PRRX2: variants seen among roughly 807,000 people sequenced by gnomAD.
PRRX2 encodes the protein paired mesoderm homeobox protein 2.
Under a neutral mutation model 18.0 loss-of-function variants are expected in PRRX2, and 11 were observed. The ratio of observed to expected loss-of-function variants is 0.61; its 90% CI spans 0.39 to 1.01. The LOEUF (loss-of-function observed/expected upper bound fraction) is 1.01, where lower values mean the gene tolerates loss of function less well. Ranked by LOEUF, PRRX2 falls within the 50% of genes least tolerant of loss-of-function variation. The pLI, the probability that PRRX2 is intolerant of heterozygous loss-of-function variation, is 0.01. For synonymous variants in PRRX2, 177 were observed against 154.8 expected (o/e 1.14, Z -1.06); for missense variants, 387 against 351.0 (o/e 1.10, Z -0.82).
At chr9:129,706,489 G>C (rs961219183) in intron 1 of PRRX2, among the ~76,000 whole-genome samples, 2 of 152,146 alleles carry the variant, frequency 1.3e-5, no homozygotes, top group African/African-American at 4.8e-5. Flanking sequence ...CTTGAACCTG[G>C]GAGGCGGAGG....
chr9:129,680,472 C>A (rs1375020366), intron 1 of PRRX2, among the ~76,000 whole-genome samples: 1 of 126,702 alleles, frequency 7.9e-6, no homozygotes, highest in Admixed American at 7.7e-5. Context: ...TCTCCCACCC[C>A]CCCCACCCGC....
At chr9:129,710,306 C>T (rs970783039) in intron 1 of PRRX2, among the ~76,000 whole-genome samples, 16 of 152,164 alleles carry the variant, frequency 1.1e-4, no homozygotes, top group African/African-American at 3.6e-4. Context: ...GCCTAGGTGG[C>T]CCCATCCAGC....
At chr9:129,676,464 G>A (rs1443286217) in intron 1 of PRRX2, among the ~76,000 whole-genome samples, 3 of 152,194 alleles carry the variant, frequency 2.0e-5, no homozygotes, top group African/African-American at 7.2e-5. Flanking sequence ...ATCTGCAATC[G>A]TGGTTACAGC....
At chr9:129,672,344 A>C (rs1293910354) in intron 1 of PRRX2, among the ~76,000 whole-genome samples, 1 of 152,178 alleles carries the variant, frequency 6.6e-6, no homozygotes, top group African/African-American at 2.4e-5. Flanking sequence ...GGGGCATCAC[A>C]GGCCTCACTG....
chr9:129,674,959 C>T (rs534331212), intron 1 of PRRX2, among the ~76,000 whole-genome samples: 3 of 152,166 alleles, frequency 2.0e-5, no homozygotes, highest in Non-Finnish European at 4.4e-5. Flanking sequence ...TAGGCCTATG[C>T]GTCTGCATTC....
chr9:129,687,402 C>T (rs930644048), intron 1 of PRRX2, among the ~76,000 whole-genome samples: 1 of 152,184 alleles, frequency 6.6e-6, no homozygotes, highest in African/African-American at 2.4e-5. Flanking sequence ...ACCTGACCAC[C>T]TTCCAGGCAT....
intron 1 of PRRX2, among the ~76,000 whole-genome samples, chr9:129,693,092 A>G (rs1054069410): frequency 6.6e-6 from 1 of 152,112 alleles, no homozygotes; most frequent in Non-Finnish European, 1.5e-5. Flanking sequence ...GGGCATTCTA[A>G]TAGCCGTGTG....
chr9:129,686,399 T>C (rs1294004514), intron 1 of PRRX2, among the ~76,000 whole-genome samples: 1 of 152,162 alleles, frequency 6.6e-6, no homozygotes, highest in Non-Finnish European at 1.5e-5. Context: ...CAGGCTGGAG[T>C]GCAGTGGTGC....
intron 1 of PRRX2, among the ~76,000 whole-genome samples, chr9:129,666,536 A>C (rs1832025363): frequency 1.3e-5 from 2 of 150,914 alleles, no homozygotes; most frequent in African/African-American, 4.9e-5. Flanking sequence ...CCTCGGTCTT[A>C]AGTTGGGCTC....
At chr9:129,686,941 C>T (rs1832306579) in intron 1 of PRRX2, among the ~76,000 whole-genome samples, 1 of 152,178 alleles carries the variant, frequency 6.6e-6, no homozygotes, top group African/African-American at 2.4e-5. Flanking sequence ...TGGGGGCAGG[C>T]CCTGGGCAGG....
intron 1 of PRRX2, among the ~76,000 whole-genome samples, chr9:129,716,137 T>G (rs1198469971): frequency 1.3e-5 from 2 of 152,232 alleles, no homozygotes; most frequent in African/African-American, 4.8e-5. Flanking sequence ...CGAGGGAATT[T>G]GGCCACATCT....
intron 1 of PRRX2, among the ~76,000 whole-genome samples, chr9:129,686,994 T>C (rs899760351): frequency 1.3e-5 from 2 of 152,006 alleles, no homozygotes; most frequent in African/African-American, 2.4e-5. Flanking sequence ...CCATATTTGA[T>C]TGGCGCTGGC....
chr9:129,711,927 T>C (rs1475161613), intron 1 of PRRX2, among the ~76,000 whole-genome samples: 1 of 152,132 alleles, frequency 6.6e-6, no homozygotes, highest in Non-Finnish European at 1.5e-5. Context: ...TGGCTAAGGA[T>C]GTGGTTTCAG....
intron 1 of PRRX2, among the ~76,000 whole-genome samples, chr9:129,694,220 T>G (rs1363050163): frequency 1.3e-5 from 2 of 152,128 alleles, no homozygotes; most frequent in Non-Finnish European, 2.9e-5. Flanking sequence ...TGGAGTGCGG[T>G]GGCCTGATCC....
chr9:129,666,384 C>G (rs1231792764), intron 1 of PRRX2, among the ~76,000 whole-genome samples: 3 of 152,134 alleles, frequency 2.0e-5, no homozygotes, highest in Non-Finnish European at 2.9e-5. Context: ...TATTCGGCTC[C>G]CGAACAGCCT....
At position 129,676,798 on chromosome 9, in the gene PRRX2, G is replaced by A. The variant is rs529500435; in HGVS notation, c.259+10672G>A. On this transcript the variant is annotated intron_variant, in intron 1 of 3. Coordinates refer to ENST00000372469, the MANE Select transcript of PRRX2 (RefSeq NM_016307.4). The stretch of plus-strand genomic sequence containing the variant: ...ACCCGGGGCCTCCCCAGAAGCCGAA[G>A]CGTGATGCCCCCAGCTCAGAGGGGC... Among the ~76,000 whole-genome samples, 28 of 152,340 alleles carry A rather than the reference G, an allele frequency of 1.8e-4. No individual in the cohort carries two copies. In the South Asian group the frequency reaches 5.4e-3, roughly 29 times the overall value.
At chr9:129,677,963 T>C (rs1227587637) in intron 1 of PRRX2, among the ~76,000 whole-genome samples, 3 of 138,656 alleles carry the variant, frequency 2.2e-5, no homozygotes, top group South Asian at 2.3e-4. Context: ...TCTTTCTTTT[T>C]TTTTTTTTTT....
chr9:129,687,151 G>T (rs2130916420), intron 1 of PRRX2, among the ~76,000 whole-genome samples: 1 of 152,282 alleles, frequency 6.6e-6, no homozygotes, highest in Middle Eastern at 3.4e-3. Flanking sequence ...ACATTGGGAG[G>T]CCTAGGTGGG....
At chr9:129,700,495 A>T (rs1832480672) in intron 1 of PRRX2, among the ~76,000 whole-genome samples, 1 of 151,688 alleles carries the variant, frequency 6.6e-6, no homozygotes, top group South Asian at 2.1e-4. Flanking sequence ...AAGCCCGGCT[A>T]ATTTTTGTAT....
Sources: allele counts gnomAD v4.1 joint callset (sites outside exome capture counted in the v4.1 genomes callset), GRCh38; gene constraint gnomAD v4.1.1; transcripts MANE v1.5; gene names NCBI Gene and HGNC (gene_info 2026-07-23, HGNC 2026-07-21).